The following AKAP6 variants were observed in gnomAD, a reference collection of about 807,000 sequenced individuals.
The protein encoded by AKAP6 is A-kinase anchor protein 6.
AKAP6 carries 58 observed loss-of-function variants against 188.5 expected under a neutral mutation model. The observed-to-expected ratio is 0.31, with a 90% CI of 0.25 to 0.38. AKAP6 has a LOEUF of 0.38. Among genes scored for constraint, AKAP6 ranks in the 10% least tolerant of loss-of-function variants. AKAP6 has a pLI of 1.00. For missense variants in AKAP6, 2,710 were observed against 2,740.0 expected, an observed-to-expected ratio of 0.99 and a Z score of 0.24; for synonymous variants, 989 against 998.6, an observed-to-expected ratio of 0.99 and a Z score of 0.18.
chr14:32,377,100 T>C (rs1888181107), intron 1 of AKAP6, among the ~76,000 whole-genome samples: 1 of 152,238 alleles, frequency 6.6e-6, no homozygotes, highest in Non-Finnish European at 1.5e-5. Context: ...ATATGGAATA[T>C]ACCAGTAGGT....
At chr14:32,650,306 A>C (rs1341140772) in intron 7 of AKAP6, among the ~76,000 whole-genome samples, 1 of 152,156 alleles carries the variant, frequency 6.6e-6, no homozygotes, top group Non-Finnish European at 1.5e-5. Context: ...CCAGTGCGGC[A>C]TTCTGACTTC....
chr14:32,634,048 A>G (rs990679707), intron 7 of AKAP6, among the ~76,000 whole-genome samples: 6 of 151,984 alleles, frequency 3.9e-5, no homozygotes, highest in African/African-American at 1.4e-4. Context: ...TAGTTGAGCC[A>G]GTTTCCTCAT....
intron 8 of AKAP6, among the ~76,000 whole-genome samples, chr14:32,680,457 C>G (rs544428996): frequency 2.2e-4 from 33 of 152,106 alleles, no homozygotes; most frequent in Non-Finnish European, 4.0e-4. Context: ...ACATAAACTT[C>G]ATTAATCATT....
intron 1 of AKAP6, among the ~76,000 whole-genome samples, chr14:32,393,283 T>C (rs6571514): frequency 0.91 from 138,569 of 152,122 alleles, 63,373 homozygotes; most frequent in South Asian, 0.96. Flanking sequence ...GCCAAAAATG[T>C]ATAACCTGAT....
intron 11 of AKAP6, among the ~76,000 whole-genome samples, chr14:32,754,038 T>C (rs779576905): frequency 7.2e-5 from 11 of 152,034 alleles, no homozygotes; most frequent in Non-Finnish European, 1.0e-4. Context: ...ATTTTATAAT[T>C]ATTTTTTCTA....
At chr14:32,503,717 C>A (rs1880719506) in intron 2 of AKAP6, among the ~76,000 whole-genome samples, 1 of 151,874 alleles carries the variant, frequency 6.6e-6, no homozygotes, top group African/African-American at 2.4e-5. Context: ...TATTTTTTGA[C>A]TTATTCTTCC....
At chr14:32,583,763 G>A (rs113367596) in intron 5 of AKAP6, among the ~76,000 whole-genome samples, 15 of 152,306 alleles carry the variant, frequency 9.8e-5, no homozygotes, top group African/African-American at 2.9e-4. Context: ...CTCCGTGGGC[G>A]TAGGACCCTC....
At chr14:32,351,817 C>T (rs1887283088) in intron 1 of AKAP6, among the ~76,000 whole-genome samples, 2 of 151,790 alleles carry the variant, frequency 1.3e-5, no homozygotes, top group Non-Finnish European at 2.9e-5. Context: ...TAAAAGCATT[C>T]CTTTGCTCTG....
intron 2 of AKAP6, among the ~76,000 whole-genome samples, chr14:32,529,128 A>G (rs1472288988): frequency 6.6e-6 from 1 of 152,136 alleles, no homozygotes; most frequent in Non-Finnish European, 1.5e-5. Flanking sequence ...CACTGCATGT[A>G]TTTACTTCCT....
At chr14:32,495,766 TG>T (rs1880284746) in intron 2 of AKAP6, among the ~76,000 whole-genome samples, 1 of 152,138 alleles carries the variant, frequency 6.6e-6, no homozygotes, top group South Asian at 2.1e-4. Flanking sequence ...TGGGAGAAAA[TG>T]TTAAGCCTGT....
intron 11 of AKAP6, among the ~76,000 whole-genome samples, chr14:32,739,364 A>C (rs1007585473): frequency 2.0e-5 from 3 of 152,042 alleles, no homozygotes; most frequent in African/African-American, 7.2e-5. Context: ...TTTACCCTCT[A>C]TGTTACAAAC....
chr14:32,398,706 A>G (rs1888960355), intron 1 of AKAP6, among the ~76,000 whole-genome samples: 1 of 151,690 alleles, frequency 6.6e-6, no homozygotes, highest in Non-Finnish European at 1.5e-5. Context: ...CCAATAATAT[A>G]ATTGAATTTT....
At chr14:32,348,394 G>A (rs1887139215) in intron 1 of AKAP6, among the ~76,000 whole-genome samples, 1 of 149,702 alleles carries the variant, frequency 6.7e-6, no homozygotes, top group Non-Finnish European at 1.5e-5. Flanking sequence ...TGTCTGAATG[G>A]GGTTCTTTCT....
chr14:32,813,814 A>G (rs989494255), intron 12 of AKAP6, among the ~76,000 whole-genome samples: 1 of 151,962 alleles, frequency 6.6e-6, no homozygotes, highest in African/African-American at 2.4e-5. Flanking sequence ...CTGTTTATAG[A>G]ACATTCAAGG....
rs753331834 is a variant in AKAP6 at position 32,545,699 on chromosome 14, G to A, written c.1046G>A (p.Ser349Asn). ...PSSETVQQESSSSSHHDAKNQ... is the reference protein window; with the variant it reads ...PSSETVQQESNSSSHHDAKNQ... ...TCTGAGACTGTGCAGCAAGAATCCA[G>A]TTCCTCCTCCCATCATGATGCAAAG... Residue 349 changes from serine (S) to asparagine (N), a missense_variant, in exon 4 of 14, where the codon AGT becomes AAT. Physicochemically the swap from Ser to Asn is conservative, Grantham distance 46. Around this residue, in one of 2 missense-constraint regions of AKAP6, gnomAD observed 2,473 missense variants for 2,426.1 expected, o/e 1.02. Coordinates refer to ENST00000280979, the MANE Select transcript of AKAP6 (RefSeq NM_004274.5). The A allele has an allele frequency of 9.3e-6, 15 of 1,614,062 alleles. No homozygotes were observed. The Admixed American group carries it at 2.3e-4, about 25-fold the overall frequency.
intron 11 of AKAP6, among the ~76,000 whole-genome samples, chr14:32,769,578 A>G (rs1184745925): frequency 1.3e-5 from 2 of 149,256 alleles, no homozygotes; most frequent in Non-Finnish European, 3.0e-5. Flanking sequence ...TTTTTAACAG[A>G]TCAGCTAAAG....
chr14:32,670,089 T>C (rs2139606872), intron 7 of AKAP6, among the ~76,000 whole-genome samples: 1 of 139,162 alleles, frequency 7.2e-6, no homozygotes, highest in Non-Finnish European at 1.5e-5. Context: ...AGAGTGAGAC[T>C]CTGTCTCAAA....
At chr14:32,580,204 G>A (rs1884901068) in intron 5 of AKAP6, among the ~76,000 whole-genome samples, 1 of 151,986 alleles carries the variant, frequency 6.6e-6, no homozygotes, top group Admixed American at 6.6e-5. Context: ...TATTTTAACT[G>A]TAAGAAACAC....
Position 32,635,172 on chromosome 14 carries a change from A to G in AKAP6, c.2730+34380A>G, listed in dbSNP as rs76263956. ...TTATTAATTATTTTCAGATTGGAAA[A>G]TAAAATTACAGCTTTTCCAGGAAAC... On this transcript the variant is annotated intron_variant, in intron 7 of 13. Coordinates refer to ENST00000280979, the MANE Select transcript of AKAP6 (RefSeq NM_004274.5). 1.8e-4 allele frequency among the ~76,000 whole-genome samples: 28 copies of G among 152,184 alleles called. No homozygotes were observed. The East Asian group carries it at 5.2e-3, about 28-fold the overall frequency.
Sources: allele counts gnomAD v4.1 joint callset (sites outside exome capture counted in the v4.1 genomes callset), GRCh38; gene constraint gnomAD v4.1.1; regional missense constraint gnomAD v4.1.1; transcripts MANE v1.5; gene names NCBI Gene and HGNC (gene_info 2026-07-23, HGNC 2026-07-21).